The following KIAA1217 variants were observed in gnomAD, a reference collection of about 807,000 sequenced individuals.
The protein encoded by KIAA1217 is KIAA1217, also known as sickle tail protein homolog.
KIAA1217 carries 88 observed loss-of-function variants against 163.9 expected under a neutral mutation model. The ratio of observed to expected loss-of-function variants is 0.54; its 90% CI spans 0.45 to 0.64. The LOEUF (loss-of-function observed/expected upper bound fraction) is 0.64. KIAA1217 is among the 30% of genes least tolerant of loss of function. The pLI, the probability that KIAA1217 is intolerant of heterozygous loss-of-function variation, is 0.00. For synonymous variants in KIAA1217, 903 were observed against 923.1 expected (o/e 0.98, Z 0.39); for missense variants, 2,372 against 2,475.0 (o/e 0.96, Z 0.88).
chr10:24,359,027 T>C (rs1217569175), intron 2 of KIAA1217, among the ~76,000 whole-genome samples: 1 of 152,108 alleles, frequency 6.6e-6, no homozygotes, highest in East Asian at 1.9e-4. Context: ...CCAATGTGTT[T>C]GTTCATTCTA....
At chr10:24,082,810 G>A (rs969177187) in intron 2 of KIAA1217, among the ~76,000 whole-genome samples, 9 of 152,228 alleles carry the variant, frequency 5.9e-5, no homozygotes, top group African/African-American at 2.2e-4. Context: ...AAATCTTTGG[G>A]GAATTGCCAT....
Position 23,704,166 on chromosome 10 carries a change from G to A in KIAA1217, c.-321+8932G>A, listed in dbSNP as rs1357992889. Reference sequence around the variant, plus strand: ...TGTGTATGTGTGTGTGTGTGTGTGTGTGTGTGTATATATATATATATATAT... The same window carrying A: ...TGTGTATGTGTGTGTGTGTGTGTGTATGTGTGTATATATATATATATATAT... On this transcript the variant is annotated intron_variant, in intron 1 of 18. Transcript: ENST00000376462. Among the ~76,000 whole-genome samples, 117 of 71,288 alleles carry A rather than the reference G, an allele frequency of 1.6e-3. 1 individual carries two copies. The highest frequency in any genetic ancestry group is 9.0e-3 in the African/African-American group (101 of 11,276). 46.8% of individuals were successfully genotyped at this position (71,288 alleles called of 152,430 possible).
In KIAA1217 at chr10:23,700,503, T is replaced by TA. The variant is rs529346143; in HGVS notation, c.-321+5281dup. Among the ~76,000 whole-genome samples, 1,083 of 142,798 alleles carry TA rather than the reference T, an allele frequency of 7.6e-3. 37 individuals are homozygous for TA. Among genetic ancestry groups the TA allele is most frequent in the Admixed American group, 0.046 (653 of 14,306 alleles). The allele number at this position is 142,798 out of a possible 152,430, so 93.7% of individuals were successfully genotyped here. A position where few individuals can be genotyped will look rare whatever the true frequency, so the allele number is the denominator to read the frequency against. On this transcript the variant is annotated intron_variant, in intron 1 of 18. Coordinates refer to the KIAA1217 transcript ENST00000376462. ...TAATATTTTCCCATTTCTCTCATAG[T>TA]AAAAAAAAAAAAGCCCTTACAATTA...
chr10:24,505,042 C>T (rs1034875955), intron 9 of KIAA1217, among the ~76,000 whole-genome samples: 10 of 152,214 alleles, frequency 6.6e-5, no homozygotes, highest in Middle Eastern at 3.4e-3. Context: ...TGGCCAGAGT[C>T]TGACTTCACT....
chr10:23,753,725 A>G (rs186767611), intron 1 of KIAA1217, among the ~76,000 whole-genome samples: 16 of 152,346 alleles, frequency 1.1e-4, no homozygotes, highest in South Asian at 4.1e-4. Flanking sequence ...TAAAAATAAC[A>G]TTATGTCTAA....
intron 2 of KIAA1217, among the ~76,000 whole-genome samples, chr10:24,086,544 A>C (rs2131670637): frequency 6.6e-6 from 1 of 152,330 alleles, no homozygotes; most frequent in Middle Eastern, 3.4e-3. Context: ...TCAAGGATGC[A>C]GTCTAAGTGA....
At chr10:23,953,611 C>G (rs545426577) in intron 1 of KIAA1217, among the ~76,000 whole-genome samples, 1 of 152,336 alleles carries the variant, frequency 6.6e-6, no homozygotes, top group East Asian at 1.9e-4. Flanking sequence ...CCCGACTCAA[C>G]TAGCCAAGTG....
chr10:23,849,924 C>A (rs1839226868), intron 1 of KIAA1217, among the ~76,000 whole-genome samples: 1 of 152,082 alleles, frequency 6.6e-6, no homozygotes, highest in Non-Finnish European at 1.5e-5. Context: ...ATGCGTACAA[C>A]AGACACATTG....
intron 19 of KIAA1217, 115 bp downstream of exon 19, chr10:24,544,596 T>G: frequency 7.8e-7 from 1 of 1,287,280 alleles, no homozygotes; most frequent in Non-Finnish European, 1.0e-6. Flanking sequence ...TGGCTTTTTT[T>G]TTTTTGTCTG....
At chr10:23,749,425 T>C (rs1839613110) in intron 1 of KIAA1217, among the ~76,000 whole-genome samples, 1 of 152,204 alleles carries the variant, frequency 6.6e-6, no homozygotes, top group South Asian at 2.1e-4. Context: ...TTTTGCTTTT[T>C]TTTTTGAGAC....
At chr10:24,241,927 G>A (rs1280909804) in intron 2 of KIAA1217, among the ~76,000 whole-genome samples, 1 of 152,106 alleles carries the variant, frequency 6.6e-6, no homozygotes, top group African/African-American at 2.4e-5. Context: ...GGCTCATCGA[G>A]GGGGATTCTA....
chr10:24,420,591 T>C (rs2058650901), intron 3 of KIAA1217, among the ~76,000 whole-genome samples: 1 of 152,218 alleles, frequency 6.6e-6, no homozygotes, highest in African/African-American at 2.4e-5. Flanking sequence ...CCTGTACCAA[T>C]ACACTGGGAG....
chr10:23,809,396 G>A (rs1414130264), intron 1 of KIAA1217, among the ~76,000 whole-genome samples: 1 of 151,774 alleles, frequency 6.6e-6, no homozygotes, highest in East Asian at 1.9e-4. Context: ...AACTTTAAGG[G>A]TATTATGAGA....
intron 1 of KIAA1217, among the ~76,000 whole-genome samples, chr10:23,809,549 G>A (rs1836892375): frequency 6.6e-6 from 1 of 151,850 alleles, no homozygotes; most frequent in African/African-American, 2.4e-5. Flanking sequence ...AAAATAAAAT[G>A]ACAGTAATAA....
chr10:23,782,930 G>A (rs978370038), intron 1 of KIAA1217, among the ~76,000 whole-genome samples: 1 of 152,136 alleles, frequency 6.6e-6, no homozygotes, highest in Admixed American at 6.5e-5. Context: ...TAGAGGAAAA[G>A]ATTACAGTTT....
chr10:23,864,196 A>C (rs1840079562), intron 1 of KIAA1217, among the ~76,000 whole-genome samples: 1 of 151,828 alleles, frequency 6.6e-6, no homozygotes, highest in African/African-American at 2.4e-5. Context: ...GCCCAGATAC[A>C]CCTGATGTGA....
At chr10:24,098,548 G>T (rs545349342) in intron 2 of KIAA1217, among the ~76,000 whole-genome samples, 1 of 152,140 alleles carries the variant, frequency 6.6e-6, no homozygotes, top group Non-Finnish European at 1.5e-5. Flanking sequence ...GATACCCTCT[G>T]TGGGGCAGGG....
At position 24,466,504 on chromosome 10, in the gene KIAA1217, T is replaced by A; in HGVS notation, c.847-6724T>A. 4 of 985,260 alleles carry A rather than the reference T, an allele frequency of 4.1e-6. No homozygotes were observed. In the South Asian group the frequency reaches 1.9e-4, roughly 46 times the overall value. 61.0% of individuals were successfully genotyped at this position (985,260 alleles called of 1,614,324 possible). ...TTTCCAAGGGGAGGAGAAATTGACT[T>A]ATCACGGGGAAGGTTACTTTTTATC... On this transcript the variant is annotated intron_variant, in intron 5 of 20. Transcript: ENST00000376454.
chr10:24,405,111 T>A (rs777922280), intron 3 of KIAA1217, among the ~76,000 whole-genome samples: 2 of 152,098 alleles, frequency 1.3e-5, no homozygotes, highest in Non-Finnish European at 2.9e-5. Context: ...CAACATAAAA[T>A]TAATAACAAA....
Sources: gnomAD v4.1 joint callset for allele counts (sites outside exome capture counted in the v4.1 genomes callset) on GRCh38, gnomAD v4.1.1 for gene constraint, MANE v1.5 for transcripts, NCBI Gene and HGNC (gene_info 2026-07-23, HGNC 2026-07-21) for gene names.